EMP2: variants seen among roughly 807,000 people sequenced by gnomAD.
The protein encoded by EMP2 is epithelial membrane protein 2.
Under a neutral mutation model 13.7 loss-of-function variants are expected in EMP2, and 19 were observed. The observed-to-expected ratio is 1.38, with a 90% confidence interval of 0.97 to 2.03. EMP2 has a LOEUF of 2.03. EMP2 is among the 30% of genes most tolerant of loss of function. The probability of loss-of-function intolerance (pLI) is 0.00; values close to 1 mark genes in which losing one functional copy is unlikely to be tolerated. For synonymous variants in EMP2, 97 were observed against 84.7 expected (o/e 1.15, Z -0.80); for missense variants, 253 against 220.7 (o/e 1.15, Z -0.93).
At chr16:10,564,006 T>G (rs72781755) in intron 1 of EMP2, among the ~76,000 whole-genome samples, 1 of 152,160 alleles carries the variant, frequency 6.6e-6, no homozygotes, top group East Asian at 1.9e-4. Context: ...AGTGGCAATG[T>G]ACAACAGCAG....
chr16:10,562,915 G>T (rs1212519828), intron 1 of EMP2, among the ~76,000 whole-genome samples: 1 of 152,114 alleles, frequency 6.6e-6, no homozygotes, highest in Non-Finnish European at 1.5e-5. Flanking sequence ...GTCATCCAAG[G>T]AGCTCCTATA....
chr16:10,549,729 T>A (rs201524195), intron 1 of EMP2, among the ~76,000 whole-genome samples: 1,572 of 149,618 alleles, frequency 0.011, 25 homozygotes, highest in African/African-American at 0.036. Context: ...ACACACACAC[T>A]CACACACACA....
At chr16:10,578,990 A>G (rs571480836) in intron 1 of EMP2, among the ~76,000 whole-genome samples, 1 of 152,348 alleles carries the variant, frequency 6.6e-6, no homozygotes, top group Admixed American at 6.5e-5. Flanking sequence ...TGGGAGGCAG[A>G]TGGAGGTTCA....
chr16:10,528,965 A>T lies in EMP2; in HGVS notation c.*3940T>A, dbSNP rs1254208133. 1 of 152,176 alleles carries T rather than the reference A, an allele frequency of 6.6e-6. No individual in the cohort carries two copies. The highest frequency in any genetic ancestry group is 1.9e-4 in the East Asian group (1 of 5,190). The allele number at this position is 152,176 out of a possible 1,614,324, so 9.4% of individuals were successfully genotyped here. On this transcript the variant is annotated 3_prime_UTR_variant, in exon 5 of 5. Transcript: ENST00000359543. ...ATGAGGGGTGTCCACAAAAGCACGC[A>T]AACTATAGCAGAGTGTGTGGGAGTG...
chr16:10,558,478 A>AGTGT (rs61441812), intron 1 of EMP2, among the ~76,000 whole-genome samples: 2,599 of 149,982 alleles, frequency 0.017, 31 homozygotes, highest in Admixed American at 0.021. Context: ...GTTTGCTTAA[A>AGTGT]GTGTGTGTGT....
intron 2 of EMP2, 33 bp from the exon 3 acceptor site, chr16:10,543,693 C>A (rs763820412): frequency 6.2e-7 from 1 of 1,606,108 alleles, no homozygotes; most frequent in East Asian, 2.2e-5. Context: ...AGAGAAAGGC[C>A]GTCCGTTCAT....
intron 1 of EMP2, among the ~76,000 whole-genome samples, chr16:10,572,286 G>T (rs1239627554): frequency 6.6e-6 from 1 of 151,790 alleles, no homozygotes; most frequent in South Asian, 2.1e-4. Flanking sequence ...CAAGACCCCA[G>T]TCTCTACAAA....
At chr16:10,577,224 A>G (rs140137386) in intron 1 of EMP2, among the ~76,000 whole-genome samples, 1 of 152,028 alleles carries the variant, frequency 6.6e-6, no homozygotes, top group African/African-American at 2.4e-5. Context: ...AAATTCTCCA[A>G]TCTTAGCCCA....
intron 2 of EMP2, chr16:10,544,556 C>T (rs554517338): frequency 6.6e-5 from 10 of 152,486 alleles, no homozygotes; most frequent in African/African-American, 2.4e-4. Context: ...GGTCCAGGCC[C>T]TCAGAGAGTA....
intron 1 of EMP2, among the ~76,000 whole-genome samples, chr16:10,558,061 T>C (rs1215331463): frequency 6.6e-6 from 1 of 150,786 alleles, no homozygotes; most frequent in Admixed American, 6.6e-5. Flanking sequence ...ACAGGATCTC[T>C]CTCTGTTGCC....
chr16:10,564,490 CAA>C (rs34683301), intron 1 of EMP2, among the ~76,000 whole-genome samples: 5,694 of 70,790 alleles, frequency 0.08, 327 homozygotes, highest in African/African-American at 0.25. Flanking sequence ...GACTCTGTCT[CAA>C]AAAAAAAAAA....
In EMP2 at chr16:10,530,703, A is replaced by C. The variant is rs2050592514; in HGVS notation, c.*2202T>G. On this transcript the variant is annotated 3_prime_UTR_variant, in exon 5 of 5. Coordinates refer to ENST00000359543, the MANE Select transcript of EMP2 (RefSeq NM_001424.6). ...GGAAATCATTCACCCAGACCCTCTGAATCAGCCTGTCCCAAGCAGCACGGG... is the reference window on the plus strand; with the variant it reads ...GGAAATCATTCACCCAGACCCTCTGCATCAGCCTGTCCCAAGCAGCACGGG... 1 of 152,376 alleles carries C rather than the reference A, an allele frequency of 6.6e-6. No homozygotes were observed. 9.4% of individuals were successfully genotyped at this position (152,376 alleles called of 1,614,324 possible).
intron 2 of EMP2, chr16:10,544,629 C>G (rs1411462491): frequency 6.6e-6 from 1 of 152,540 alleles, no homozygotes; most frequent in Non-Finnish European, 1.5e-5. Flanking sequence ...CACAGTGGCT[C>G]ATGCCTATAA....
chr16:10,572,389 G>A (rs1014303587), intron 1 of EMP2, among the ~76,000 whole-genome samples: 5 of 151,996 alleles, frequency 3.3e-5, no homozygotes, highest in South Asian at 2.1e-4. Context: ...CGCGGCTGCC[G>A]TGAGCTGTGA....
chr16:10,569,949 G>C (rs987169075), intron 1 of EMP2, among the ~76,000 whole-genome samples: 1 of 152,158 alleles, frequency 6.6e-6, no homozygotes, highest in African/African-American at 2.4e-5. Flanking sequence ...CCTGACCCTA[G>C]TGACTTCTCA....
At chr16:10,575,340 G>A (rs901300184) in intron 1 of EMP2, among the ~76,000 whole-genome samples, 10 of 132,342 alleles carry the variant, frequency 7.6e-5, no homozygotes, top group African/African-American at 1.4e-4. Flanking sequence ...TGCAAGCTCC[G>A]CCTCCCGGGT....
rs530844196 is a variant in EMP2, at chr16:10,539,818, C to A, written c.170-1744G>T. On this transcript the variant is annotated intron_variant, in intron 3 of 4. Coordinates refer to ENST00000359543, the MANE Select transcript of EMP2 (RefSeq NM_001424.6). ...GGGCACGAGGGCTTCGTAAAGCCAC[C>A]GAGGGAATTCCAATATGGAGCCCAA... Among the ~76,000 whole-genome samples, 5 of 152,246 alleles carry A rather than the reference C, an allele frequency of 3.3e-5. No homozygotes were observed. The South Asian group carries it at 8.3e-4, about 25-fold the overall frequency.
At chr16:10,559,509 G>A (rs536388856) in intron 1 of EMP2, among the ~76,000 whole-genome samples, 1 of 152,346 alleles carries the variant, frequency 6.6e-6, no homozygotes, top group African/African-American at 2.4e-5. Flanking sequence ...TGTCTGTGCA[G>A]CCCTGGGTCT....
chr16:10,578,224 AG>A (rs2050998099), intron 1 of EMP2: 1 of 152,120 alleles, frequency 6.6e-6, no homozygotes, highest in Non-Finnish European at 1.5e-5. Context: ...CTCTATGCCT[AG>A]GGTGAAAAAT....
Sources: allele counts gnomAD v4.1 joint callset (sites outside exome capture counted in the v4.1 genomes callset), GRCh38; gene constraint gnomAD v4.1.1; transcripts MANE v1.5; gene names NCBI Gene and HGNC (gene_info 2026-07-23, HGNC 2026-07-21).